The following UNC13C variants were observed in gnomAD, a reference collection of about 807,000 sequenced individuals.
UNC13C encodes protein unc-13 homolog C.
Under a neutral mutation model 245.4 loss-of-function variants are expected in UNC13C, and 174 were observed. The ratio of observed to expected loss-of-function variants is 0.71; its 90% confidence interval spans 0.63 to 0.80. The LOEUF is 0.80. Among genes scored for constraint, UNC13C ranks in the 30% least tolerant of loss-of-function variants. The pLI is 0.00. For missense variants in UNC13C, 2,829 were observed against 2,602.9 expected (o/e 1.09, Z -1.89); for synonymous variants, 992 against 895.1 (o/e 1.11, Z -1.93).
chr15:54,194,509 C>T (rs1026742645), intron 4 of UNC13C, among the ~76,000 whole-genome samples: 1 of 152,174 alleles, frequency 6.6e-6, no homozygotes, highest in Middle Eastern at 3.4e-3. Flanking sequence ...AAGGTTGACA[C>T]CCAACCTATC....
chr15:54,617,337 T>C (rs1900506734), intron 30 of UNC13C, among the ~76,000 whole-genome samples: 1 of 152,082 alleles, frequency 6.6e-6, no homozygotes, highest in Non-Finnish European at 1.5e-5. Flanking sequence ...TTTTTCCTCT[T>C]TGATGTAAAA....
At chr15:54,390,971 A>G (rs1006802653) in intron 17 of UNC13C, among the ~76,000 whole-genome samples, 9 of 152,102 alleles carry the variant, frequency 5.9e-5, no homozygotes, top group African/African-American at 2.2e-4. Flanking sequence ...AATGCAACAA[A>G]CGTTATATGA....
intron 2 of UNC13C, among the ~76,000 whole-genome samples, chr15:54,045,306 G>T (rs1047312278): frequency 6.6e-6 from 1 of 152,082 alleles, no homozygotes; most frequent in Non-Finnish European, 1.5e-5. Flanking sequence ...TTGTTGAAAA[G>T]ATTTTTCTGT....
At chr15:54,384,636 G>A (rs8037792) in intron 17 of UNC13C, among the ~76,000 whole-genome samples, 29,360 of 151,826 alleles carry the variant, frequency 0.19, 2,903 homozygotes, top group Middle Eastern at 0.22. Flanking sequence ...CAAAAGCATA[G>A]GCAACAAAAA....
intron 8 of UNC13C, among the ~76,000 whole-genome samples, chr15:54,254,686 C>T (rs944951295): frequency 1.3e-5 from 2 of 152,288 alleles, no homozygotes; most frequent in South Asian, 2.1e-4. Context: ...AAGGATCAAG[C>T]GAATAGCGTA....
At chr15:54,136,845 C>CTT (rs71132781) in intron 2 of UNC13C, among the ~76,000 whole-genome samples, 10 of 148,512 alleles carry the variant, frequency 6.7e-5, no homozygotes, top group African/African-American at 2.5e-4. Flanking sequence ...TTGTGTATCA[C>CTT]TTTTTTTTTT....
At chr15:53,842,860 C>T in the UNC13C span, among the ~76,000 whole-genome samples, 3 of 149,906 alleles carry the variant, frequency 2.0e-5, no homozygotes, top group African/African-American at 4.9e-5. Flanking sequence ...TTTTGAACAC[C>T]AGGATCATTC....
At chr15:54,054,861 A>G (rs1897438288) in intron 2 of UNC13C, among the ~76,000 whole-genome samples, 2 of 152,052 alleles carry the variant, frequency 1.3e-5, no homozygotes, top group African/African-American at 4.8e-5. Context: ...GCTAGGCAAA[A>G]ATGGAGTCGA....
the UNC13C span, among the ~76,000 whole-genome samples, chr15:53,936,990 C>T: frequency 1.3e-5 from 2 of 152,188 alleles, no homozygotes; most frequent in African/African-American, 2.4e-5. Context: ...CAAATGACTG[C>T]AACACCTCTC....
chr15:53,873,925 TTCC>T, the UNC13C span, among the ~76,000 whole-genome samples: 8 of 56,006 alleles, frequency 1.4e-4, no homozygotes, highest in African/African-American at 2.0e-4. Flanking sequence ...CCTTCCTTTC[TTCC>T]TTCCTTCCTT....
At chr15:53,976,060 G>C (rs542249911), upstream of UNC13C, among the ~76,000 whole-genome samples, 1 of 152,236 alleles carries the variant, frequency 6.6e-6, no homozygotes, top group East Asian at 1.9e-4. Context: ...CAGGTACTCA[G>C]TAGTGAAAAC....
chr15:54,290,366 G>A (rs914804333), intron 10 of UNC13C, among the ~76,000 whole-genome samples: 2 of 151,904 alleles, frequency 1.3e-5, no homozygotes, highest in Admixed American at 1.3e-4. Flanking sequence ...CAACTCTTCT[G>A]TAAATCTAAA....
chr15:54,550,920 C>T (rs1896707363), intron 28 of UNC13C, among the ~76,000 whole-genome samples: 1 of 152,166 alleles, frequency 6.6e-6, no homozygotes, highest in South Asian at 2.1e-4. Flanking sequence ...AGAAATGGCC[C>T]TGGCCATGCA....
At chr15:54,036,645 A>C (rs1363981451) in intron 2 of UNC13C, among the ~76,000 whole-genome samples, 1 of 152,210 alleles carries the variant, frequency 6.6e-6, no homozygotes, top group Non-Finnish European at 1.5e-5. Context: ...AGGAGAATGT[A>C]GCCATTCTTC....
At chr15:54,353,599 G>A (rs369833100) in intron 17 of UNC13C, among the ~76,000 whole-genome samples, 27 of 152,222 alleles carry the variant, frequency 1.8e-4, no homozygotes, top group East Asian at 1.7e-3. Context: ...TCTTTCATCT[G>A]TACTGTGCCT....
chr15:54,342,484 C>T (rs1266859597), intron 17 of UNC13C, among the ~76,000 whole-genome samples: 1 of 151,460 alleles, frequency 6.6e-6, no homozygotes, highest in Non-Finnish European at 1.5e-5. Context: ...TAGAGTGAGT[C>T]CAGGAATTGG....
At chr15:54,191,098 C>T (rs1298135470) in intron 4 of UNC13C, among the ~76,000 whole-genome samples, 3 of 152,068 alleles carry the variant, frequency 2.0e-5, no homozygotes, top group Non-Finnish European at 4.4e-5. Context: ...ATGTGCTGAA[C>T]ATGCAGGTTT....
chr15:54,484,420 A>G (rs1893299475), intron 19 of UNC13C, among the ~76,000 whole-genome samples: 1 of 152,232 alleles, frequency 6.6e-6, no homozygotes, highest in South Asian at 2.1e-4. Context: ...ACTCCTATCC[A>G]GATGTTATTT....
chr15:54,545,901 A>G (rs1254434682), intron 26 of UNC13C, among the ~76,000 whole-genome samples: 1 of 152,210 alleles, frequency 6.6e-6, no homozygotes, highest in Non-Finnish European at 1.5e-5. Context: ...CCATTTTGAA[A>G]GACAGTGTGG....
Sources: allele counts gnomAD v4.1 joint callset (sites outside exome capture counted in the v4.1 genomes callset), GRCh38; gene constraint gnomAD v4.1.1; transcripts MANE v1.5; gene names NCBI Gene and HGNC (gene_info 2026-07-23, HGNC 2026-07-21).